The following CNTNAP2 variants were observed in gnomAD, a reference collection of about 807,000 sequenced individuals.
The protein encoded by CNTNAP2 is contactin-associated protein-like 2.
CNTNAP2 carries 98 observed loss-of-function variants against 155.2 expected under a neutral mutation model. That is an observed-to-expected ratio of 0.63 (90% CI 0.54 to 0.75). The LOEUF (loss-of-function observed/expected upper bound fraction) is 0.75, where lower values mean the gene tolerates loss of function less well. Ranked by LOEUF, CNTNAP2 falls within the 30% of genes least tolerant of loss-of-function variation. The pLI, the probability that CNTNAP2 is intolerant of heterozygous loss-of-function variation, is 0.00. For missense variants in CNTNAP2, 1,727 were observed against 1,688.1 expected (o/e 1.02, Z -0.40); for synonymous variants, 651 against 631.2 (o/e 1.03, Z -0.47).
chr7:146,550,415 T>TTTTTTTTTTTTTTG (rs1798102110), intron 1 of CNTNAP2, among the ~76,000 whole-genome samples: 1 of 115,760 alleles, frequency 8.6e-6, no homozygotes, highest in Non-Finnish European at 1.9e-5. Context: ...TTTTTTTTTT[T>TTTTTTTTTTTTTTG]TTTTTTTTTT....
At chr7:147,431,622 A>G (rs1342769676) in intron 10 of CNTNAP2, among the ~76,000 whole-genome samples, 5 of 152,136 alleles carry the variant, frequency 3.3e-5, no homozygotes, top group African/African-American at 1.2e-4. Flanking sequence ...CCCTCCACAA[A>G]GGTCACTAAT....
intron 22 of CNTNAP2, among the ~76,000 whole-genome samples, chr7:148,388,532 T>G (rs1488981910): frequency 6.6e-6 from 1 of 152,198 alleles, no homozygotes; most frequent in Admixed American, 6.5e-5. Flanking sequence ...ATTTTCTTAA[T>G]CCAGTCTATC....
intron 1 of CNTNAP2, among the ~76,000 whole-genome samples, chr7:146,508,896 G>A (rs1482003152): frequency 6.6e-6 from 1 of 152,128 alleles, no homozygotes; most frequent in East Asian, 1.9e-4. Flanking sequence ...CACCACTGGG[G>A]CCCTTTTGTC....
chr7:146,311,633 G>C (rs971289662), intron 1 of CNTNAP2: 1 of 130,266 alleles, frequency 7.7e-6, no homozygotes, highest in African/African-American at 3.0e-5. Flanking sequence ...AAAAAAGAAA[G>C]AAAGACAGAA....
chr7:147,157,933 T>A (rs181335316), intron 8 of CNTNAP2, among the ~76,000 whole-genome samples: 16 of 152,224 alleles, frequency 1.1e-4, no homozygotes, highest in Admixed American at 1.0e-3. Context: ...TAGGACATAG[T>A]GGGATATTTT....
At chr7:146,803,080 G>C (rs992775096) in intron 2 of CNTNAP2, among the ~76,000 whole-genome samples, 4 of 152,130 alleles carry the variant, frequency 2.6e-5, no homozygotes, top group Non-Finnish European at 5.9e-5. Context: ...ATTTATGGGA[G>C]TAAATGCCAG....
chr7:146,360,923 G>A (rs980442798), intron 1 of CNTNAP2, among the ~76,000 whole-genome samples: 1 of 152,116 alleles, frequency 6.6e-6, no homozygotes, highest in Non-Finnish European at 1.5e-5. Flanking sequence ...TGATACTGAG[G>A]TAACTCAAGA....
intron 1 of CNTNAP2, among the ~76,000 whole-genome samples, chr7:146,709,515 TAAA>T (rs1801025692): frequency 1.3e-5 from 2 of 152,178 alleles, no homozygotes; most frequent in Non-Finnish European, 2.9e-5. Flanking sequence ...CAGTCAAGCC[TAAA>T]GTTTGTTGCT....
At chr7:148,316,968 C>A (rs11763879) in intron 21 of CNTNAP2, among the ~76,000 whole-genome samples, 1 of 152,084 alleles carries the variant, frequency 6.6e-6, no homozygotes, top group Non-Finnish European at 1.5e-5. Context: ...TCTGAAGCCC[C>A]ACGGGGTCAT....
At chr7:146,867,796 T>C (rs895141025) in intron 3 of CNTNAP2, among the ~76,000 whole-genome samples, 14 of 151,826 alleles carry the variant, frequency 9.2e-5, no homozygotes, top group African/African-American at 3.4e-4. Context: ...TTTTTTCATA[T>C]GCTCGTTGGC....
At chr7:147,062,380 G>A (rs1799700836) in intron 4 of CNTNAP2, among the ~76,000 whole-genome samples, 1 of 151,782 alleles carries the variant, frequency 6.6e-6, no homozygotes. Flanking sequence ...TCACTTTTTA[G>A]TTTAGAGCAG....
At chr7:147,918,077 G>A (rs2116774925) in intron 14 of CNTNAP2, among the ~76,000 whole-genome samples, 1 of 152,216 alleles carries the variant, frequency 6.6e-6, no homozygotes. Flanking sequence ...TGCATAAAAG[G>A]CCTGCTTCCT....
At chr7:147,652,723 A>AGGG (rs1345967627) in intron 13 of CNTNAP2, among the ~76,000 whole-genome samples, 1 of 152,086 alleles carries the variant, frequency 6.6e-6, no homozygotes, top group African/African-American at 2.4e-5. Context: ...AAAGGAAGGA[A>AGGG]GGGGGGAAGA....
At chr7:147,704,946 T>G (rs535829773) in intron 13 of CNTNAP2, among the ~76,000 whole-genome samples, 1 of 152,232 alleles carries the variant, frequency 6.6e-6, no homozygotes, top group Admixed American at 6.5e-5. Flanking sequence ...ATTTTTTTAT[T>G]TGGGTCTTCT....
intron 12 of CNTNAP2, among the ~76,000 whole-genome samples, chr7:147,591,682 C>G (rs955100590): frequency 3.3e-5 from 5 of 152,016 alleles, no homozygotes; most frequent in Non-Finnish European, 7.4e-5. Context: ...CAGAATAGTC[C>G]TACAAAAATA....
At chr7:146,139,445 T>G (rs1055657029) in intron 1 of CNTNAP2, among the ~76,000 whole-genome samples, 2 of 152,180 alleles carry the variant, frequency 1.3e-5, no homozygotes, top group Non-Finnish European at 2.9e-5. Context: ...AATAACTTTT[T>G]GACTGTTGAC....
chr7:146,213,488 T>C (rs1799067251), intron 1 of CNTNAP2, among the ~76,000 whole-genome samples: 1 of 152,208 alleles, frequency 6.6e-6, no homozygotes, highest in Admixed American at 6.5e-5. Flanking sequence ...AAATGTCAGA[T>C]TCCTTTTAAC....
chr7:146,322,316 C>T lies in CNTNAP2; in HGVS notation c.97+205343C>T, dbSNP rs563751637. ...AAGAATTCCCCTTTCCAGGTTTTAA[C>T]AGGACAAGGGACGGCTAACTCAGAT... On this transcript the variant is annotated intron_variant, in intron 1 of 23. Coordinates refer to ENST00000361727, the MANE Select transcript of CNTNAP2 (RefSeq NM_014141.6). Among the ~76,000 whole-genome samples, 5 of 152,230 alleles carry T rather than the reference C, an allele frequency of 3.3e-5. No homozygotes were observed. The East Asian group carries it at 7.7e-4, about 24-fold the overall frequency.
At chr7:146,458,380 T>C (rs1481286682) in intron 1 of CNTNAP2, among the ~76,000 whole-genome samples, 2 of 152,104 alleles carry the variant, frequency 1.3e-5, no homozygotes, top group African/African-American at 2.4e-5. Context: ...TTAATAAATG[T>C]CTATTAAGAA....
Sources: allele counts gnomAD v4.1 joint callset (sites outside exome capture counted in the v4.1 genomes callset), GRCh38; gene constraint gnomAD v4.1.1; transcripts MANE v1.5; gene names NCBI Gene and HGNC (gene_info 2026-07-23, HGNC 2026-07-21).